CHLSN: variants seen among roughly 807,000 people sequenced by gnomAD.
The protein encoded by CHLSN is protein cholesin.
the CHLSN span, among the ~76,000 whole-genome samples, chr7:1,083,538 G>A: frequency 1.3e-5 from 2 of 151,982 alleles, no homozygotes; most frequent in African/African-American, 2.4e-5. Context: ...TGAGGCAGGA[G>A]AACGGTGTGA....
the CHLSN span, among the ~76,000 whole-genome samples, chr7:1,102,569 T>C: frequency 6.9e-6 from 1 of 144,424 alleles, no homozygotes; most frequent in Non-Finnish European, 1.5e-5. Flanking sequence ...CATTCACCTG[T>C]TTTTAAAATT....
chr7:1,033,622 C>A, the CHLSN span, among the ~76,000 whole-genome samples: 1 of 152,244 alleles, frequency 6.6e-6, no homozygotes, highest in East Asian at 1.9e-4. Context: ...AGAAATACGA[C>A]GTGGTCAAAC....
At chr7:1,000,329 C>A in the CHLSN span, 2 of 684,550 alleles carry the variant, frequency 2.9e-6, no homozygotes, top group South Asian at 2.0e-5. Flanking sequence ...GACGTGCCTG[C>A]CCCGCCGTGC....
the CHLSN span, among the ~76,000 whole-genome samples, chr7:1,110,083 A>C: frequency 9.9e-5 from 15 of 151,914 alleles, no homozygotes; most frequent in Non-Finnish European, 1.8e-4. Flanking sequence ...AATCTGCCCC[A>C]AGCGCAGAGG....
chr7:1,029,739 C>T, the CHLSN span, among the ~76,000 whole-genome samples: 48 of 152,368 alleles, frequency 3.2e-4, no homozygotes, highest in African/African-American at 9.1e-4. Flanking sequence ...CCACCCCTGC[C>T]TGGGGAGATG....
the CHLSN span, among the ~76,000 whole-genome samples, chr7:1,038,215 G>GC: frequency 1.2e-5 from 1 of 84,408 alleles, no homozygotes; most frequent in Admixed American, 1.1e-4. Context: ...TGGGGGGTCA[G>GC]CCCCCCCGAC....
the CHLSN span, chr7:988,665 C>G: frequency 6.2e-7 from 1 of 1,601,216 alleles, no homozygotes; most frequent in Non-Finnish European, 8.5e-7. Context: ...GAGCGCCTGG[C>G]CAGGACCGAG....
the CHLSN span, among the ~76,000 whole-genome samples, chr7:1,042,618 A>G: frequency 2.6e-4 from 40 of 152,320 alleles, no homozygotes; most frequent in South Asian, 3.1e-3. Flanking sequence ...TGGCACAGGA[A>G]GTCTCTGCAG....
chr7:1,050,636 G>A, the CHLSN span, among the ~76,000 whole-genome samples: 1 of 152,202 alleles, frequency 6.6e-6, no homozygotes, highest in Non-Finnish European at 1.5e-5. Context: ...CAGCCTTCCC[G>A]GGCTTGGAAC....
chr7:986,362 T>A, the CHLSN span: 1 of 539,872 alleles, frequency 1.9e-6, no homozygotes, highest in Non-Finnish European at 3.3e-6. Flanking sequence ...GGCAGCTGCC[T>A]CCCTCCTCCC....
At chr7:1,070,475 A>C in the CHLSN span, among the ~76,000 whole-genome samples, 11,337 of 151,624 alleles carry the variant, frequency 0.075, 529 homozygotes, top group Admixed American at 0.12. Flanking sequence ...ATGCACGCAC[A>C]TACGCACACG....
At chr7:1,057,021 G>T in the CHLSN span, among the ~76,000 whole-genome samples, 1 of 152,114 alleles carries the variant, frequency 6.6e-6, no homozygotes, top group Non-Finnish European at 1.5e-5. Flanking sequence ...GCTCTGCAAG[G>T]ACTCCAAGGC....
At chr7:1,095,097 C>G in the CHLSN span, among the ~76,000 whole-genome samples, 1 of 152,256 alleles carries the variant, frequency 6.6e-6, no homozygotes, top group African/African-American at 2.4e-5. Flanking sequence ...AGGCCCGGCG[C>G]ACCCCTCCCT....
chr7:1,093,940 C>T, the CHLSN span: 5 of 328,658 alleles, frequency 1.5e-5, no homozygotes, highest in African/African-American at 8.6e-5. Flanking sequence ...AAAACTCTCA[C>T]AAGGCCAGCC....
chr7:1,091,838 T>A, the CHLSN span: 1 of 1,607,630 alleles, frequency 6.2e-7, no homozygotes, highest in Non-Finnish European at 8.5e-7. Flanking sequence ...TCCCACCCGC[T>A]CCTGGGCACC....
the CHLSN span, among the ~76,000 whole-genome samples, chr7:1,079,712 G>A: frequency 6.6e-6 from 1 of 152,178 alleles, no homozygotes; most frequent in Non-Finnish European, 1.5e-5. Flanking sequence ...AGGGCTCAGG[G>A]GCAGGGGTGA....
the CHLSN span, among the ~76,000 whole-genome samples, chr7:1,107,713 C>T: frequency 6.6e-6 from 1 of 152,274 alleles, no homozygotes; most frequent in East Asian, 1.9e-4. Context: ...CACCAGTGGC[C>T]TGCAGGGAAG....
At chr7:1,122,445 C>A in the CHLSN span, among the ~76,000 whole-genome samples, 4 of 152,340 alleles carry the variant, frequency 2.6e-5, no homozygotes, top group East Asian at 7.7e-4. Flanking sequence ...GGGGTGGTCA[C>A]GCGTATGCCG....
chr7:1,118,634 G>A, the CHLSN span, among the ~76,000 whole-genome samples: 2 of 151,794 alleles, frequency 1.3e-5, no homozygotes, highest in African/African-American at 4.8e-5. Context: ...CAAATAAGAG[G>A]CCAAGAACAC....
Sources: gnomAD v4.1 joint callset for allele counts (sites outside exome capture counted in the v4.1 genomes callset) on GRCh38, gnomAD v4.1.1 for gene constraint, MANE v1.5 for transcripts, NCBI Gene and HGNC (gene_info 2026-07-23, HGNC 2026-07-21) for gene names.